Variants in PTPN12 observed in about 807,000 individuals in gnomAD.
PTPN12 encodes tyrosine-protein phosphatase non-receptor type 12.
A neutral mutation model predicts 97.6 loss-of-function variants in PTPN12; 29 were observed. That is an observed-to-expected ratio of 0.30 (90% CI 0.22 to 0.41). The LOEUF (loss-of-function observed/expected upper bound fraction) is 0.41. Among genes scored for constraint, PTPN12 ranks in the 10% least tolerant of loss-of-function variants. PTPN12 has a pLI of 1.00. For synonymous variants in PTPN12, 327 were observed against 300.4 expected, an observed-to-expected ratio of 1.09 and a Z score of -0.91; for missense variants, 819 against 926.0, an observed-to-expected ratio of 0.88 and a Z score of 1.50.
intron 2 of PTPN12, among the ~76,000 whole-genome samples, chr7:77,575,211 C>T (rs1415946440): frequency 1.3e-5 from 2 of 152,002 alleles, no homozygotes; most frequent in East Asian, 1.9e-4. Context: ...ATTCATTGCC[C>T]GGGCACAGTG....
At chr7:77,561,758 TTTTAA>T (rs1193322748) in intron 1 of PTPN12, among the ~76,000 whole-genome samples, 3 of 74,008 alleles carry the variant, frequency 4.1e-5, no homozygotes, top group Non-Finnish European at 6.8e-5. Context: ...TACTGTATGT[TTTTAA>T]TTAATTAATT....
intron 2 of PTPN12, among the ~76,000 whole-genome samples, chr7:77,576,584 C>T (rs898494605): frequency 1.3e-5 from 2 of 152,042 alleles, no homozygotes; most frequent in African/African-American, 4.8e-5. Context: ...GTAGTCCCAG[C>T]TACTTGAGAG....
intron 6 of PTPN12, among the ~76,000 whole-genome samples, chr7:77,592,663 T>C (rs1787904614): frequency 6.6e-6 from 1 of 152,138 alleles, no homozygotes; most frequent in South Asian, 2.1e-4. Flanking sequence ...ATTGTTATAA[T>C]TATATATAAA....
chr7:77,602,722 T>C (rs1383050368), intron 8 of PTPN12, among the ~76,000 whole-genome samples: 2 of 152,182 alleles, frequency 1.3e-5, no homozygotes, highest in Non-Finnish European at 2.9e-5. Context: ...GGTTTCTACA[T>C]AGTAGAAGCT....
At position 77,628,179 on chromosome 7, in the gene PTPN12, T is replaced by C. The variant is rs532364185; in HGVS notation, c.1996+504T>C. On this transcript the variant is annotated intron_variant, in intron 13 of 17. Coordinates refer to ENST00000248594, the MANE Select transcript of PTPN12 (RefSeq NM_002835.4). Reference sequence around the variant, plus strand: ...CACAAATGCTTCCAAATATGGCTGCTTCCAACCCTGAGTTTAACCCAGGAA... The same window carrying C: ...CACAAATGCTTCCAAATATGGCTGCCTCCAACCCTGAGTTTAACCCAGGAA... 9.8e-5 allele frequency among the ~76,000 whole-genome samples: 15 copies of C among 152,326 alleles called. No individual in the cohort carries two copies. In the South Asian group the frequency reaches 2.1e-3, roughly 21 times the overall value.
rs190643858 is a variant in PTPN12 at position 77,547,558 on chromosome 7, T to C, written c.99+9913T>C. 3.9e-5 allele frequency among the ~76,000 whole-genome samples: 6 copies of C among 152,254 alleles called. No homozygotes were observed. The East Asian group carries it at 5.8e-4, about 15-fold the overall frequency. ...ATTCTGAGCAGATTATCTAGAGAAG[T>C]TGGGGCTCTAATACCTACCTGGAAA... On this transcript the variant is annotated intron_variant, in intron 1 of 17. Coordinates refer to ENST00000248594, the MANE Select transcript of PTPN12 (RefSeq NM_002835.4).
rs774718567 is a variant in PTPN12 at position 77,627,621 on chromosome 7, A to G, written c.1942A>G (p.Met648Val). The change falls in exon 13 of 18, where the codon ATG becomes GTG. Residue 648 changes from methionine (M) to valine (V), a missense_variant. Physicochemically the swap from Met to Val is conservative, Grantham distance 21. Transcript: ENST00000248594. ...CATTTCTACTAGGAAAGTATTGCCAATGTCCATTGCTAGACATAATATAGC... is the reference window on the plus strand; with the variant it reads ...CATTTCTACTAGGAAAGTATTGCCAGTGTCCATTGCTAGACATAATATAGC... ...ESISTRKVLPMSIARHNIAGT... is the reference protein window; with the variant it reads ...ESISTRKVLPVSIARHNIAGT... The G allele has an allele frequency of 3.0e-5, 48 of 1,610,852 alleles. No homozygotes were observed. Among genetic ancestry groups the G allele is most frequent in the South Asian group, 2.6e-4 (24 of 90,824 alleles).
rs748436885 is a variant in PTPN12 at position 77,611,042 on chromosome 7, G to C, written c.935G>C (p.Gly312Ala). 3 of 1,607,626 alleles carry C rather than the reference G, an allele frequency of 1.9e-6. No individual in the cohort carries two copies. Among genetic ancestry groups the C allele is most frequent in the South Asian group, 2.2e-5 (2 of 90,588 alleles). ...EIHGAQKIAD[G>A]VNEINTENMV... ...CATGGAGCTCAGAAAATTGCTGATGGAGTGGTAGGTGTTCTTGGTCTATTA... is the reference window on the plus strand; with the variant it reads ...CATGGAGCTCAGAAAATTGCTGATGCAGTGGTAGGTGTTCTTGGTCTATTA... The change falls in exon 11 of 18, where the codon GGA (glycine) becomes GCA (alanine). Residue 312 changes from glycine (G) to alanine (A), a missense_variant. Gly to Ala is a moderately conservative substitution (Grantham distance 60, BLOSUM62 0). Transcript: ENST00000248594.
At chr7:77,545,126 A>G (rs546782749) in intron 1 of PTPN12, among the ~76,000 whole-genome samples, 1 of 152,354 alleles carries the variant, frequency 6.6e-6, no homozygotes, top group South Asian at 2.1e-4. Flanking sequence ...TAGAGTATTA[A>G]TAAAATGTCT....
intron 1 of PTPN12, chr7:77,563,900 A>T (rs1423224734): frequency 2.3e-6 from 1 of 432,822 alleles, no homozygotes; most frequent in African/African-American, 2.0e-5. Context: ...TATAACCATT[A>T]TCGTTAGTGA....
intron 1 of PTPN12, among the ~76,000 whole-genome samples, chr7:77,562,545 T>C (rs1031611457): frequency 1.3e-5 from 2 of 152,220 alleles, no homozygotes; most frequent in Non-Finnish European, 1.5e-5. Flanking sequence ...GCCATAGTTT[T>C]AATATCTAGA....
At position 77,625,468 on chromosome 7, in the gene PTPN12, G is replaced by GCGCTCTCTCTCT. The variant is rs1218191468; in HGVS notation, c.1026-1236_1026-1235insGCTCTCTCTCTC. Among the ~76,000 whole-genome samples, 33 of 24,746 alleles carry GCGCTCTCTCTCT rather than the reference G, an allele frequency of 1.3e-3. 2 individuals are homozygous for GCGCTCTCTCTCT. The highest frequency in any genetic ancestry group is 1.7e-3 in the Non-Finnish European group (27 of 15,572). 16.2% of individuals were successfully genotyped at this position (24,746 alleles called of 152,430 possible). A position where few individuals can be genotyped will look rare whatever the true frequency, so the allele number is the denominator to read the frequency against. ...AGGGTTTTGCCATATTGCCCAGGCTGCTCGCTCTCTCTCTCTCTCTCTCTC... is the reference window on the plus strand; with the variant it reads ...AGGGTTTTGCCATATTGCCCAGGCTGCGCTCTCTCTCTCTCGCTCTCTCTCTCTCTCTCTCTC... On this transcript the variant is annotated intron_variant, in intron 12 of 17. Transcript: ENST00000248594.
intron 1 of PTPN12, among the ~76,000 whole-genome samples, chr7:77,546,650 T>C (rs1306805389): frequency 6.6e-6 from 1 of 152,226 alleles, no homozygotes; most frequent in Non-Finnish European, 1.5e-5. Flanking sequence ...AAGTGGAGTG[T>C]GGACTGTATT....
intron 1 of PTPN12, among the ~76,000 whole-genome samples, chr7:77,559,009 C>G (rs1045108064): frequency 2.6e-5 from 4 of 152,174 alleles, no homozygotes; most frequent in Admixed American, 6.5e-5. Context: ...ACAAGACTCT[C>G]TCTCTGAAAA....
At chr7:77,538,032 A>T (rs1321578788) in intron 1 of PTPN12, 1 of 1,013,528 alleles carries the variant, frequency 9.9e-7, no homozygotes, top group Non-Finnish European at 1.2e-6. Context: ...TCCTCCCAGG[A>T]GGGTCGAGGC....
intron 5 of PTPN12, among the ~76,000 whole-genome samples, chr7:77,585,956 A>AT (rs1006813725): frequency 6.6e-6 from 1 of 151,870 alleles, no homozygotes; most frequent in African/African-American, 2.4e-5. Context: ...GCCTTATTTT[A>AT]TTTTTTTATT....
chr7:77,627,463 T>A lies in PTPN12; in HGVS notation c.1784T>A (p.Leu595His). 1 of 1,613,896 alleles carries A rather than the reference T, an allele frequency of 6.2e-7. No individual in the cohort carries two copies. The change falls in exon 13 of 18, where the codon CTC becomes CAC. Residue 595 changes from leucine to histidine, a missense_variant. Physicochemically the swap from Leu to His is moderately conservative, Grantham distance 99. Transcript: ENST00000248594. ...ACTTCACCACTCTTCAGAACACCCC[T>A]CAGTTTTACTAATCCACTTCACTCT... ...DNTSPLFRTP[L>H]SFTNPLHSDD...
chr7:77,626,772 A>G lies in PTPN12; in HGVS notation c.1093A>G (p.Ile365Val), dbSNP rs746391237. 13 of 1,613,730 alleles carry G rather than the reference A, an allele frequency of 8.1e-6. No individual in the cohort carries two copies. The Admixed American group carries it at 1.7e-4, about 21-fold the overall frequency. The change falls in exon 13 of 18, where the codon ATC becomes GTC. Residue 365 changes from isoleucine to valine, a missense_variant. Around this residue, in one of 5 missense-constraint regions of PTPN12, gnomAD observed 607 missense variants for 577.3 expected, o/e 1.05. Transcript: ENST00000248594. Reference protein sequence around the residue: ...QPPEPHPVPPILTPSPPSAFP... With the variant: ...QPPEPHPVPPVLTPSPPSAFP... ...ACCGGAACCTCATCCAGTGCCACCC[A>G]TCTTGACACCTTCTCCCCCTTCAGC...
intron 5 of PTPN12, among the ~76,000 whole-genome samples, chr7:77,591,842 C>T (rs1203312328): frequency 6.6e-6 from 1 of 152,188 alleles, no homozygotes; most frequent in Non-Finnish European, 1.5e-5. Flanking sequence ...ACTTACCTAG[C>T]AACCTTTATA....
Sources: allele counts gnomAD v4.1 joint callset (sites outside exome capture counted in the v4.1 genomes callset), GRCh38; gene constraint gnomAD v4.1.1; regional missense constraint gnomAD v4.1.1; transcripts MANE v1.5; gene names NCBI Gene and HGNC (gene_info 2026-07-23, HGNC 2026-07-21).